Variants in UTS2 observed in about 807,000 individuals in gnomAD.
UTS2 encodes urotensin-2.
UTS2 carries 10 observed loss-of-function variants against 12.6 expected under a neutral mutation model. That is an observed-to-expected ratio of 0.80 (90% CI 0.49 to 1.35). The LOEUF (loss-of-function observed/expected upper bound fraction) is 1.35. Ranked by LOEUF, UTS2 falls within the 40% of genes most tolerant of loss-of-function variation. The pLI is 0.00. For synonymous variants in UTS2, 52 were observed against 50.0 expected, an observed-to-expected ratio of 1.04 and a Z score of -0.17; for missense variants, 142 against 143.2, an observed-to-expected ratio of 0.99 and a Z score of 0.04.
the UTS2 span, among the ~76,000 whole-genome samples, chr1:7,873,615 A>G: frequency 6.6e-6 from 1 of 152,252 alleles, no homozygotes; most frequent in Admixed American, 6.5e-5. Context: ...TCAGTTGCTT[A>G]AATTTCATGA....
At chr1:7,899,655 G>A in the UTS2 span, among the ~76,000 whole-genome samples, 7 of 152,124 alleles carry the variant, frequency 4.6e-5, no homozygotes, top group Non-Finnish European at 1.0e-4. Context: ...CTACAGGCAC[G>A]AACCACTGCA....
At chr1:7,872,957 C>G in the UTS2 span, among the ~76,000 whole-genome samples, 1 of 152,168 alleles carries the variant, frequency 6.6e-6, no homozygotes, top group Non-Finnish European at 1.5e-5. Flanking sequence ...CAGATGATGA[C>G]TTTAAGTTGA....
chr1:7,902,894 T>G, the UTS2 span, among the ~76,000 whole-genome samples: 8,781 of 152,154 alleles, frequency 0.058, 1,328 homozygotes, highest in East Asian at 0.57. Context: ...CTCAGAGCCT[T>G]CCCTTTGATC....
chr1:7,901,204 G>A, the UTS2 span, among the ~76,000 whole-genome samples: 1 of 152,170 alleles, frequency 6.6e-6, no homozygotes, highest in African/African-American at 2.4e-5. Context: ...TTAAGTAATG[G>A]AGCTTGGATG....
the UTS2 span, among the ~76,000 whole-genome samples, chr1:7,863,628 C>T: frequency 2.0e-5 from 3 of 152,188 alleles, no homozygotes; most frequent in African/African-American, 7.2e-5. Context: ...ATGGCATTTA[C>T]TGAATGAATG....
At chr1:7,862,985 GTT>G in the UTS2 span, among the ~76,000 whole-genome samples, 1 of 73,790 alleles carries the variant, frequency 1.4e-5, no homozygotes, top group Admixed American at 1.3e-4. Flanking sequence ...TATTTATTGT[GTT>G]GTGTTGTATT....
At chr1:7,881,782 C>T in the UTS2 span, among the ~76,000 whole-genome samples, 1 of 152,032 alleles carries the variant, frequency 6.6e-6, no homozygotes, top group Non-Finnish European at 1.5e-5. Flanking sequence ...AAAAGCAGCC[C>T]TAAAATTCGT....
chr1:7,862,978 T>TTATTGTGTTG, the UTS2 span, among the ~76,000 whole-genome samples: 2 of 52,196 alleles, frequency 3.8e-5, no homozygotes, highest in East Asian at 1.0e-3. Context: ...CGGCCGTTAT[T>TTATTGTGTTG]TATTGTGTTG....
chr1:7,862,564 G>T, the UTS2 span, among the ~76,000 whole-genome samples: 1 of 152,118 alleles, frequency 6.6e-6, no homozygotes, highest in Non-Finnish European at 1.5e-5. Flanking sequence ...TGGCATCTGC[G>T]TCTGGTGAGG....
At chr1:7,852,460 G>A (rs1034003356) in intron 1 of UTS2, among the ~76,000 whole-genome samples, 4 of 151,678 alleles carry the variant, frequency 2.6e-5, no homozygotes, top group Non-Finnish European at 2.9e-5. Context: ...TTTTTGTTTC[G>A]TAGAACACAT....
chr1:7,897,297 A>G, the UTS2 span, among the ~76,000 whole-genome samples: 1 of 152,146 alleles, frequency 6.6e-6, no homozygotes, highest in South Asian at 2.1e-4. Flanking sequence ...GTAAATTACT[A>G]CATCTTTTAA....
the UTS2 span, among the ~76,000 whole-genome samples, chr1:7,871,337 C>A: frequency 7.1e-5 from 10 of 141,276 alleles, no homozygotes; most frequent in Non-Finnish European, 1.4e-4. Flanking sequence ...CGTAACACAA[C>A]GTGCTCTCTC....
the UTS2 span, among the ~76,000 whole-genome samples, chr1:7,891,807 G>C: frequency 6.6e-6 from 1 of 152,204 alleles, no homozygotes; most frequent in East Asian, 1.9e-4. Context: ...CAAAAAAGGA[G>C]CACATACTCT....
the UTS2 span, among the ~76,000 whole-genome samples, chr1:7,908,460 C>CAAA: frequency 5.2e-3 from 257 of 49,502 alleles, 7 homozygotes; most frequent in African/African-American, 0.016. Flanking sequence ...GACTCTGTCT[C>CAAA]AAAAAAAAAA....
At chr1:7,875,259 A>G in the UTS2 span, among the ~76,000 whole-genome samples, 85 of 152,124 alleles carry the variant, frequency 5.6e-4, no homozygotes, top group East Asian at 0.016. Flanking sequence ...TATTTTTAGT[A>G]GAGACGGGGT....
At chr1:7,906,625 T>A in the UTS2 span, among the ~76,000 whole-genome samples, 11 of 152,270 alleles carry the variant, frequency 7.2e-5, no homozygotes, top group African/African-American at 2.4e-4. Context: ...TCAAACTTCC[T>A]GTCTTGAGTA....
the UTS2 span, among the ~76,000 whole-genome samples, chr1:7,864,368 T>C: frequency 6.6e-6 from 1 of 151,930 alleles, no homozygotes; most frequent in Non-Finnish European, 1.5e-5. Flanking sequence ...ACCTTCCCCC[T>C]CTCCCTCCTG....
At chr1:7,865,736 C>G in the UTS2 span, among the ~76,000 whole-genome samples, 1 of 152,078 alleles carries the variant, frequency 6.6e-6, no homozygotes, top group African/African-American at 2.4e-5. Context: ...AGTTCCAGAC[C>G]AGCCCGAGCA....
chr1:7,901,742 G>A, the UTS2 span, among the ~76,000 whole-genome samples: 4 of 152,062 alleles, frequency 2.6e-5, no homozygotes, highest in Non-Finnish European at 4.4e-5. Context: ...AATGGACTTC[G>A]TGGAGGAGAT....
Sources: gnomAD v4.1 joint callset for allele counts (sites outside exome capture counted in the v4.1 genomes callset) on GRCh38, gnomAD v4.1.1 for gene constraint, MANE v1.5 for transcripts, NCBI Gene and HGNC (gene_info 2026-07-23, HGNC 2026-07-21) for gene names.